Variants in MPRIP observed in about 807,000 individuals in gnomAD.
The protein encoded by MPRIP is myosin phosphatase Rho interacting protein, also known as myosin phosphatase Rho-interacting protein.
A neutral mutation model predicts 234.9 loss-of-function variants in MPRIP; 59 were observed. That is an observed-to-expected ratio of 0.25 (90% CI 0.20 to 0.31). The LOEUF (loss-of-function observed/expected upper bound fraction) is 0.31. Among genes scored for constraint, MPRIP ranks in the 10% least tolerant of loss-of-function variants. MPRIP has a pLI of 1.00. For missense variants in MPRIP, 2,436 were observed against 3,071.0 expected, an observed-to-expected ratio of 0.79 and a Z score of 4.89; for synonymous variants, 1,144 against 1,263.9, an observed-to-expected ratio of 0.91 and a Z score of 2.01.
Position 17,042,795 on chromosome 17 carries a change from C to G in MPRIP, c.-54C>G, listed in dbSNP as rs2088213408. 17 of 1,054,958 alleles carry G rather than the reference C, an allele frequency of 1.6e-5. No individual in the cohort carries two copies. The highest frequency in any genetic ancestry group is 1.9e-5 in the Non-Finnish European group (17 of 874,058). 65.3% of individuals were successfully genotyped at this position (1,054,958 alleles called of 1,614,324 possible). On this transcript the variant is annotated 5_prime_UTR_variant, in exon 1 of 24. Transcript: ENST00000651222. Reference sequence around the variant, plus strand: ...TGAGCCCCTAGCCCGCCGGGAGCGCCAGGCCGGCCAGGCCTGCGCCGCCGC... The same window carrying G: ...TGAGCCCCTAGCCCGCCGGGAGCGCGAGGCCGGCCAGGCCTGCGCCGCCGC...
chr17:17,086,673 A>G (rs558433279), intron 3 of MPRIP, among the ~76,000 whole-genome samples: 2 of 152,260 alleles, frequency 1.3e-5, no homozygotes, highest in South Asian at 4.1e-4. Flanking sequence ...TAGGATGGAA[A>G]CGCTTCCTAA....
chr17:17,110,349 T>G (rs142606732), intron 3 of MPRIP, among the ~76,000 whole-genome samples: 4 of 152,306 alleles, frequency 2.6e-5, no homozygotes, highest in African/African-American at 7.2e-5. Flanking sequence ...AGGTATTCCC[T>G]TATAGCGGCA....
At chr17:17,160,927 T>C (rs1208440628) in intron 14 of MPRIP, among the ~76,000 whole-genome samples, 2 of 152,192 alleles carry the variant, frequency 1.3e-5, no homozygotes, top group African/African-American at 4.8e-5. Context: ...TTGGCACCTA[T>C]ATAGGGCGTG....
At chr17:17,181,368 C>T (rs1315676985) in intron 23 of MPRIP, 1 of 152,534 alleles carries the variant, frequency 6.6e-6, no homozygotes, top group East Asian at 1.9e-4. Context: ...GCAAGAACCA[C>T]GTCTTCCTCC....
rs2090692065 is a variant in MPRIP, at chr17:17,136,212, C to T, written c.505-7C>T. 6.2e-7 allele frequency: 1 copy of T among 1,613,748 alleles called. No individual in the cohort carries two copies. The highest frequency in any genetic ancestry group is 1.1e-5 in the South Asian group (1 of 91,076). The stretch of plus-strand genomic sequence containing the variant: ...ACCTTCACAGACACCACTTTCTCCT[C>T]CTCCAGGAGCCTGGGCCTGCCAAGG... On this transcript the variant is annotated splice_polypyrimidine_tract_variant and splice_region_variant and intron_variant, in intron 5 of 23. Coordinates refer to ENST00000651222, the MANE Select transcript of MPRIP (RefSeq NM_001364716.4).
At position 17,077,875 on chromosome 17, in the gene MPRIP, G is replaced by T. The variant is rs117756285; in HGVS notation, c.202-136G>T. On this transcript the variant is annotated intron_variant, in intron 2 of 23. Coordinates refer to ENST00000651222, the MANE Select transcript of MPRIP (RefSeq NM_001364716.4). ...TTGTGCCTCGGGTCCCTCTTTTCCT[G>T]CCACCTGCCCCAGAAGTGGAATCTG... 1,428 of 821,206 alleles carry T rather than the reference G, an allele frequency of 1.7e-3. 29 individuals are homozygous for T. The East Asian group carries it at 0.027, about 16-fold the overall frequency. The allele number at this position is 821,206 out of a possible 1,614,324, so 50.9% of individuals were successfully genotyped here.
In MPRIP at chr17:17,173,762, G is replaced by A. The variant is rs556560189; in HGVS notation, c.6591-154G>A. The stretch of plus-strand genomic sequence containing the variant: ...AGGGGCGTGAGGCCATCTCTGTAAG[G>A]GATCCCTTACTCTGTATGACCCAGG... On this transcript the variant is annotated intron_variant, in intron 18 of 23. Transcript: ENST00000651222. 3.0e-5 allele frequency: 26 copies of A among 858,140 alleles called. No individual in the cohort carries two copies. In the Middle Eastern group the frequency reaches 9.5e-4, roughly 31 times the overall value. 53.2% of individuals were successfully genotyped at this position (858,140 alleles called of 1,614,324 possible).
chr17:17,137,200 C>G (rs759466333), intron 6 of MPRIP, among the ~76,000 whole-genome samples: 1 of 152,172 alleles, frequency 6.6e-6, no homozygotes, highest in Admixed American at 6.5e-5. Context: ...CCTGCCCCTT[C>G]CCACCACCAG....
intron 3 of MPRIP, among the ~76,000 whole-genome samples, chr17:17,093,038 A>G (rs2089756224): frequency 6.6e-6 from 1 of 152,252 alleles, no homozygotes; most frequent in Admixed American, 6.5e-5. Context: ...GCTGTTGCAT[A>G]GAAGTCTAGC....
chr17:17,098,484 C>T lies in MPRIP; in HGVS notation c.267+20408C>T, dbSNP rs191994077. Among the ~76,000 whole-genome samples the T allele has an allele frequency of 3.0e-3, 460 of 152,282 alleles. 1 individual carries two copies. Among genetic ancestry groups the T allele is most frequent in the African/African-American group, 9.0e-3 (374 of 41,548 alleles). On this transcript the variant is annotated intron_variant, in intron 3 of 23. Coordinates refer to ENST00000651222, the MANE Select transcript of MPRIP (RefSeq NM_001364716.4). ...TCTCCCTCTCTTGACAGGATTAGAA[C>T]GGAATAAATACGAAAGGCTGAGTTT...
At chr17:17,122,143 G>C (rs922624098) in intron 3 of MPRIP, among the ~76,000 whole-genome samples, 12 of 152,254 alleles carry the variant, frequency 7.9e-5, no homozygotes, top group African/African-American at 2.9e-4. Context: ...ATAATAGAAT[G>C]ACTTATATTC....
chr17:17,053,156 T>G (rs1022719887), intron 1 of MPRIP, among the ~76,000 whole-genome samples: 1 of 151,950 alleles, frequency 6.6e-6, no homozygotes, highest in Non-Finnish European at 1.5e-5. Context: ...GGGGACCTGC[T>G]CTGACCTAGA....
rs1459390366 is a variant in MPRIP, at chr17:17,185,622, A to C, written c.*728A>C. The C allele has an allele frequency of 4.4e-6, 2 of 454,342 alleles. No individual in the cohort carries two copies. Among genetic ancestry groups the C allele is most frequent in the Admixed American group, 2.4e-5 (1 of 42,410 alleles). The allele number at this position is 454,342 out of a possible 1,614,324, so 28.1% of individuals were successfully genotyped here. A position where few individuals can be genotyped will look rare whatever the true frequency, so the allele number is the denominator to read the frequency against. On this transcript the variant is annotated 3_prime_UTR_variant, in exon 24 of 24. Coordinates refer to ENST00000651222, the MANE Select transcript of MPRIP (RefSeq NM_001364716.4). ...TCCGCTCGTTCCTTTCTTGGTCTCC[A>C]GTAACCCTGGTCTTTTCATAACTGC...
intron 3 of MPRIP, among the ~76,000 whole-genome samples, chr17:17,112,768 C>A (rs1197802136): frequency 6.6e-6 from 1 of 152,234 alleles, no homozygotes. Flanking sequence ...TGTTTCAGCG[C>A]AGCCGGTGGC....
chr17:17,110,234 G>T (rs562126277), intron 3 of MPRIP, among the ~76,000 whole-genome samples: 1 of 152,084 alleles, frequency 6.6e-6, no homozygotes, highest in Non-Finnish European at 1.5e-5. Context: ...CCTGAGTAGA[G>T]CAGCACAAGG....
chr17:17,103,282 C>A (rs545838648), intron 3 of MPRIP, among the ~76,000 whole-genome samples: 1 of 152,242 alleles, frequency 6.6e-6, no homozygotes, highest in African/African-American at 2.4e-5. Flanking sequence ...CTAAGGAGGT[C>A]AGGCTTGTCA....
Position 17,150,171 on chromosome 17 carries a change from T to C in MPRIP, c.1657T>C (p.Leu553=). 6.2e-7 allele frequency: 1 copy of C among 1,613,748 alleles called. No individual in the cohort carries two copies. Among genetic ancestry groups the C allele is most frequent in the Non-Finnish European group, 8.5e-7 (1 of 1,179,900 alleles). Reference sequence around the variant, plus strand: ...AGCCGACTTGGATGGAGAAATTGACTTGTCCGCATGTTACGATGTCACAGA... The same window carrying C: ...AGCCGACTTGGATGGAGAAATTGACCTGTCCGCATGTTACGATGTCACAGA... ...EAADLDGEID[L]SACYDVTEYP... is the part of the protein sequence containing the mutation. Residue 553 remains leucine, a synonymous_variant, in exon 12 of 24, where the codon TTG becomes CTG. Transcript: ENST00000651222.
chr17:17,085,449 G>C (rs1264548880), intron 3 of MPRIP, among the ~76,000 whole-genome samples: 1 of 152,244 alleles, frequency 6.6e-6, no homozygotes, highest in Non-Finnish European at 1.5e-5. Context: ...GGGTCCCTAG[G>C]TGCTTTCAGA....
Position 17,167,178 on chromosome 17 carries a change from C to T in MPRIP, c.5587C>T (p.Leu1863Phe). 1 of 1,304,104 alleles carries T rather than the reference C, an allele frequency of 7.7e-7. No homozygotes were observed. The highest frequency in any genetic ancestry group is 1.2e-5 in the South Asian group (1 of 81,024). 80.8% of individuals were successfully genotyped at this position (1,304,104 alleles called of 1,614,324 possible). A position where few individuals can be genotyped will look rare whatever the true frequency, so the allele number is the denominator to read the frequency against. ...CRIRLEYEKE[L>F]QLCKESWQTR... The stretch of plus-strand genomic sequence containing the variant: ...AATCCGGCTAGAATATGAGAAGGAG[C>T]TCCAGCTCTGCAAGGAGTCCTGGCA... The change falls in exon 16 of 24, where the codon CTC becomes TTC. Residue 1863 changes from leucine (L) to phenylalanine (F), a missense_variant. Around this residue, in one of 4 missense-constraint regions of MPRIP, gnomAD observed 1,998 missense variants for 2,520.3 expected, o/e 0.79. Transcript: ENST00000651222. The surrounding 1 kb of genome is among the most constrained non-coding windows in gnomAD (Gnocchi z 5.9).
Sources: allele counts gnomAD v4.1 joint callset (sites outside exome capture counted in the v4.1 genomes callset), GRCh38; gene constraint gnomAD v4.1.1; regional missense constraint gnomAD v4.1.1; non-coding constraint Gnocchi (gnomAD v3.1); transcripts MANE v1.5; gene names NCBI Gene and HGNC (gene_info 2026-07-23, HGNC 2026-07-21).